Variants in RBFOX1 observed in about 807,000 individuals in gnomAD.
RBFOX1 encodes the protein RNA binding protein fox-1 homolog 1.
RBFOX1 carries 8 observed loss-of-function variants against 57.7 expected under a neutral mutation model. The observed-to-expected ratio is 0.14, with a 90% CI of 0.08 to 0.25. RBFOX1 has a LOEUF of 0.25. Among genes scored for constraint, RBFOX1 ranks in the 10% least tolerant of loss-of-function variants. The pLI is 1.00. For synonymous variants in RBFOX1, 326 were observed against 222.4 expected (o/e 1.47, Z -4.15); for missense variants, 611 against 548.5 (o/e 1.11, Z -1.14).
chr16:7,291,350 C>T (rs1030889699), intron 4 of RBFOX1, among the ~76,000 whole-genome samples: 1 of 152,106 alleles, frequency 6.6e-6, no homozygotes, highest in Non-Finnish European at 1.5e-5. Context: ...AGACTGAGAG[C>T]AAAGGAACTT....
At chr16:5,486,468 G>A (rs1402689829) in intron 2 of RBFOX1, among the ~76,000 whole-genome samples, 1 of 152,214 alleles carries the variant, frequency 6.6e-6, no homozygotes, top group Non-Finnish European at 1.5e-5. Context: ...TGTTTTGAGT[G>A]TGGACTCCTT....
At chr16:6,994,559 A>G (rs889889432) in intron 3 of RBFOX1, among the ~76,000 whole-genome samples, 2 of 152,176 alleles carry the variant, frequency 1.3e-5, no homozygotes, top group Non-Finnish European at 2.9e-5. Context: ...GCCAAAACCT[A>G]GCTAAAATTT....
chr16:6,793,302 T>G (rs992379113), intron 3 of RBFOX1, among the ~76,000 whole-genome samples: 3 of 152,144 alleles, frequency 2.0e-5, no homozygotes, highest in Non-Finnish European at 4.4e-5. Flanking sequence ...TACATAAAAT[T>G]TTTAAAGTGA....
At chr16:5,627,890 G>C (rs1320988077) in intron 3 of RBFOX1, among the ~76,000 whole-genome samples, 1 of 152,126 alleles carries the variant, frequency 6.6e-6, no homozygotes, top group East Asian at 1.9e-4. Context: ...ATCCACAAGG[G>C]GGGTCCTGGA....
chr16:6,445,172 G>T (rs1369748806), intron 2 of RBFOX1, among the ~76,000 whole-genome samples: 2 of 152,142 alleles, frequency 1.3e-5, no homozygotes, highest in African/African-American at 4.8e-5. Flanking sequence ...CAGGGAACAT[G>T]AGAATAAGAG....
chr16:6,578,464 T>A (rs2097479687), intron 2 of RBFOX1, among the ~76,000 whole-genome samples: 1 of 152,112 alleles, frequency 6.6e-6, no homozygotes. Flanking sequence ...CTTCTCTGGG[T>A]ATTTGGGAGA....
At chr16:5,432,547 TTTTG>T (rs1355250860) in intron 1 of RBFOX1, among the ~76,000 whole-genome samples, 11 of 137,658 alleles carry the variant, frequency 8.0e-5, no homozygotes, top group Admixed American at 6.0e-4. Flanking sequence ...GTTTTTTTTT[TTTTG>T]TTTGTTTGTT....
At chr16:5,697,119 A>C (rs1021746291) in intron 3 of RBFOX1, among the ~76,000 whole-genome samples, 1 of 152,020 alleles carries the variant, frequency 6.6e-6, no homozygotes, top group Non-Finnish European at 1.5e-5. Flanking sequence ...TTTCTCATAT[A>C]ATTTTGGATT....
Position 7,287,449 on chromosome 16 carries a change from A to G in RBFOX1, c.28-230698A>G, listed in dbSNP as rs149113701. On this transcript the variant is annotated intron_variant, in intron 4 of 15. Coordinates refer to ENST00000550418, the MANE Select transcript of RBFOX1 (RefSeq NM_018723.4). Reference sequence around the variant, plus strand: ...ACCATCAAACTTGCTCTAAAGGACCAGGACAGCGAGTAGGTGCAAGCTGAT... The same window carrying G: ...ACCATCAAACTTGCTCTAAAGGACCGGGACAGCGAGTAGGTGCAAGCTGAT... Among the ~76,000 whole-genome samples the G allele has an allele frequency of 2.6e-3, 393 of 152,278 alleles. 2 individuals are homozygous for G. Among genetic ancestry groups the G allele is most frequent in the African/African-American group, 9.0e-3 (376 of 41,568 alleles).
intron 3 of RBFOX1, among the ~76,000 whole-genome samples, chr16:6,915,032 G>A (rs890116574): frequency 6.6e-5 from 10 of 152,316 alleles, no homozygotes; most frequent in African/African-American, 2.4e-4. Context: ...AGTCGGCTTT[G>A]CTCATCCGTA....
At chr16:6,027,857 G>A (rs1252897695) in intron 1 of RBFOX1, among the ~76,000 whole-genome samples, 5 of 152,208 alleles carry the variant, frequency 3.3e-5, no homozygotes, top group African/African-American at 1.2e-4. Flanking sequence ...AGCTGCAAAT[G>A]TACGGTTGAG....
chr16:6,412,615 G>T (rs866673562), intron 2 of RBFOX1, among the ~76,000 whole-genome samples: 1 of 152,220 alleles, frequency 6.6e-6, no homozygotes, highest in African/African-American at 2.4e-5. Flanking sequence ...GAGGCAGCAT[G>T]CACCTGCAAT....
At chr16:7,486,168 G>C (rs1029722512) in intron 4 of RBFOX1, among the ~76,000 whole-genome samples, 1 of 139,816 alleles carries the variant, frequency 7.2e-6, no homozygotes, top group Non-Finnish European at 1.5e-5. Flanking sequence ...TGTTGGCCAG[G>C]CTGGAGTGCA....
intron 1 of RBFOX1, among the ~76,000 whole-genome samples, chr16:6,186,092 C>G (rs957169645): frequency 6.6e-6 from 1 of 152,128 alleles, no homozygotes; most frequent in African/African-American, 2.4e-5. Context: ...ATATTTTTTT[C>G]TGACATGATT....
At position 7,655,429 on chromosome 16, in the gene RBFOX1, T is replaced by G. The variant is rs531738716; in HGVS notation, c.890+1482T>G. ...GGATAGTAACAAACCAAGAATGAAC[T>G]GGCTATAAATTCTCCCTAATGCCTG... On this transcript the variant is annotated intron_variant, in intron 12 of 15. Transcript: ENST00000550418. 5.9e-5 allele frequency among the ~76,000 whole-genome samples: 9 copies of G among 152,330 alleles called. No homozygotes were observed. In the South Asian group the frequency reaches 1.9e-3, roughly 32 times the overall value.
chr16:5,733,719 C>T (rs1427236723), intron 3 of RBFOX1, among the ~76,000 whole-genome samples: 2 of 152,052 alleles, frequency 1.3e-5, no homozygotes, highest in East Asian at 1.9e-4. Context: ...TCCCTCTTAC[C>T]TCTTTATTCC....
chr16:7,222,658 C>G (rs1380444223), intron 4 of RBFOX1, among the ~76,000 whole-genome samples: 3 of 152,196 alleles, frequency 2.0e-5, no homozygotes, highest in Non-Finnish European at 4.4e-5. Context: ...GCCCCCTTAC[C>G]TCTTTGTTCC....
At chr16:6,901,625 A>C (rs2068518369) in intron 3 of RBFOX1, among the ~76,000 whole-genome samples, 2 of 152,200 alleles carry the variant, frequency 1.3e-5, no homozygotes, top group African/African-American at 4.8e-5. Flanking sequence ...ATTTTTGCAA[A>C]ATCTGTTTCT....
intron 4 of RBFOX1, among the ~76,000 whole-genome samples, chr16:7,485,271 T>C (rs959486060): frequency 6.6e-6 from 1 of 152,232 alleles, no homozygotes; most frequent in East Asian, 1.9e-4. Flanking sequence ...CGCGTGTTGC[T>C]TTTCCCTCAT....
Sources: allele counts gnomAD v4.1 joint callset (sites outside exome capture counted in the v4.1 genomes callset), GRCh38; gene constraint gnomAD v4.1.1; transcripts MANE v1.5; gene names NCBI Gene and HGNC (gene_info 2026-07-23, HGNC 2026-07-21).